GLIS1: variants seen among roughly 807,000 people sequenced by gnomAD.
The protein encoded by GLIS1 is zinc finger protein GLIS1.
In GLIS1, 24 loss-of-function variants were observed where a neutral mutation model predicts 63.8. That is an observed-to-expected ratio of 0.38 (90% CI 0.27 to 0.53). GLIS1 has a LOEUF of 0.53. Among genes scored for constraint, GLIS1 ranks in the 20% least tolerant of loss-of-function variants. GLIS1 has a pLI of 0.85. For synonymous variants in GLIS1, 450 were observed against 482.5 expected (o/e 0.93, Z 0.88); for missense variants, 1,036 against 1,074.1 (o/e 0.96, Z 0.50).
rs1377621349 is a variant in GLIS1, at chr1:53,594,767, T to C, written c.661A>G (p.Ser221Gly). 2 of 1,598,016 alleles carry C rather than the reference T, an allele frequency of 1.3e-6. No individual in the cohort carries two copies. Among genetic ancestry groups the C allele is most frequent in the Non-Finnish European group, 1.7e-6 (2 of 1,172,662 alleles). Reference protein sequence around the residue: ...PSCYLLGSEPSSGLGLQPETH... With the variant: ...PSCYLLGSEPGSGLGLQPETH... ...TCGGGCTGGAGGCCCAGGCCAGAGC[T>C]GGGTTCGCTGCCCAGAAGGTAGCAG... The change falls in exon 4 of 11, where the codon AGC (serine) becomes GGC (glycine). Residue 221 changes from serine to glycine, a missense_variant. Physicochemically the swap from Ser to Gly is moderately conservative, Grantham distance 56. Transcript: ENST00000628545.
chr1:53,717,559 A>G (rs1456125387), intron 2 of GLIS1, among the ~76,000 whole-genome samples: 1 of 151,838 alleles, frequency 6.6e-6, no homozygotes, highest in African/African-American at 2.4e-5. Context: ...ATAAGGCAAA[A>G]CCCCCACTTC....
In GLIS1 at chr1:53,594,943, G is replaced by A. The variant is rs1247945986; in HGVS notation, c.485C>T (p.Thr162Ile). 1.4e-6 allele frequency: 2 copies of A among 1,478,240 alleles called. No homozygotes were observed. The highest frequency in any genetic ancestry group is 2.8e-5 in the South Asian group (2 of 72,002). The allele number at this position is 1,478,240 out of a possible 1,614,324, so 91.6% of individuals were successfully genotyped here. A position where few individuals can be genotyped will look rare whatever the true frequency, so the allele number is the denominator to read the frequency against. ...CAAGGACTCCTGTTTGATGTGTTGT[G>A]TGGTTGGGAGGCTGCCGTTCACATA... is the stretch of plus-strand genomic sequence containing the variant. ...ATYVNGSLPT[T>I]QHIKQESLPD... is the part of the protein sequence containing the mutation. The change falls in exon 4 of 11, where the codon ACA (threonine) becomes ATA (isoleucine). Residue 162 changes from threonine to isoleucine, a missense_variant. This residue lies in a region of GLIS1 where 592 missense variants were observed against 593.9 expected (regional missense o/e 1.00). Transcript: ENST00000628545.
At chr1:53,587,481 C>G (rs2100512297) in intron 4 of GLIS1, among the ~76,000 whole-genome samples, 1 of 152,278 alleles carries the variant, frequency 6.6e-6, no homozygotes, top group South Asian at 2.1e-4. Context: ...CCTCTCTGGC[C>G]TCATTTACAG....
chr1:53,622,344 T>C (rs1645552618), intron 2 of GLIS1, among the ~76,000 whole-genome samples: 1 of 149,408 alleles, frequency 6.7e-6, no homozygotes, highest in Non-Finnish European at 1.5e-5. Flanking sequence ...AGGAGAATCA[T>C]TTGAACCTGG....
At chr1:53,628,484 T>G (rs1289211277) in intron 2 of GLIS1, among the ~76,000 whole-genome samples, 1 of 152,164 alleles carries the variant, frequency 6.6e-6, no homozygotes, top group Non-Finnish European at 1.5e-5. Flanking sequence ...GGGACAGAAC[T>G]GTGCACCAGA....
intron 10 of GLIS1, among the ~76,000 whole-genome samples, chr1:53,508,052 C>T (rs1372301042): frequency 6.6e-6 from 1 of 152,222 alleles, no homozygotes; most frequent in African/African-American, 2.4e-5. Flanking sequence ...CACAGGTGCA[C>T]ACGTGCACAC....
At chr1:53,508,945 G>A (rs1644265920) in intron 10 of GLIS1, among the ~76,000 whole-genome samples, 175 bp downstream of exon 10, 1 of 152,254 alleles carries the variant, frequency 6.6e-6, no homozygotes, top group Admixed American at 6.5e-5. Flanking sequence ...GGCAGGTACA[G>A]ACAGTTCTGC....
chr1:53,566,407 G>A (rs1291016254), intron 4 of GLIS1, among the ~76,000 whole-genome samples: 1 of 152,302 alleles, frequency 6.6e-6, no homozygotes, highest in East Asian at 1.9e-4. Context: ...TACAAGGTTA[G>A]TATATAAAAA....
At chr1:53,589,748 A>C (rs72904952) in intron 4 of GLIS1, among the ~76,000 whole-genome samples, 4,299 of 152,236 alleles carry the variant, frequency 0.028, 220 homozygotes, top group African/African-American at 0.1. Flanking sequence ...GCAGCTCATG[A>C]GGACTGGGAG....
chr1:53,709,953 G>A lies in GLIS1; in HGVS notation c.259+27853C>T, dbSNP rs186737663. Among the ~76,000 whole-genome samples the A allele has an allele frequency of 4.6e-5, 7 of 152,312 alleles. No homozygotes were observed. The East Asian group carries it at 1.3e-3, about 29-fold the overall frequency. On this transcript the variant is annotated intron_variant, in intron 2 of 10. Transcript: ENST00000628545. ...ACATGGGAGTCCCCACAGATGTACA[G>A]GATGGGAGGGGGACACTTGTACAGA...
At chr1:53,552,156 G>C (rs1644766700) in intron 4 of GLIS1, among the ~76,000 whole-genome samples, 1 of 152,020 alleles carries the variant, frequency 6.6e-6, no homozygotes, top group Non-Finnish European at 1.5e-5. Flanking sequence ...CACACTGACT[G>C]TCACAGAAGC....
chr1:53,734,777 G>A (rs993515387), intron 2 of GLIS1, among the ~76,000 whole-genome samples: 2 of 152,202 alleles, frequency 1.3e-5, no homozygotes, highest in Non-Finnish European at 2.9e-5. Flanking sequence ...AAAGCTGTCC[G>A]CCTGCATAAA....
chr1:53,645,608 A>G (rs947913772), intron 2 of GLIS1, among the ~76,000 whole-genome samples: 19 of 152,246 alleles, frequency 1.2e-4, no homozygotes, highest in Non-Finnish European at 2.8e-4. Flanking sequence ...AAGACCCCCT[A>G]TGAACCACAA....
At chr1:53,553,652 G>A (rs1318354698) in intron 4 of GLIS1, among the ~76,000 whole-genome samples, 2 of 152,176 alleles carry the variant, frequency 1.3e-5, no homozygotes, top group African/African-American at 4.8e-5. Flanking sequence ...CTGGTGGGGA[G>A]GGGCCTTTGC....
At chr1:53,522,275 T>TA (rs1480362986) in intron 6 of GLIS1, among the ~76,000 whole-genome samples, 6 of 152,268 alleles carry the variant, frequency 3.9e-5, no homozygotes, top group African/African-American at 1.4e-4. Context: ...CCCAGAAAGA[T>TA]ACATCATCCC....
intron 2 of GLIS1, among the ~76,000 whole-genome samples, chr1:53,708,661 C>T (rs992700968): frequency 6.6e-6 from 1 of 152,080 alleles, no homozygotes; most frequent in African/African-American, 2.4e-5. Flanking sequence ...GGCACGCTGG[C>T]ACAGGTTTCA....
At chr1:53,658,643 CT>C (rs1258493674) in intron 2 of GLIS1, among the ~76,000 whole-genome samples, 1 of 152,122 alleles carries the variant, frequency 6.6e-6, no homozygotes, top group Non-Finnish European at 1.5e-5. Context: ...CCAGTAGCAC[CT>C]CAGGTGGGTC....
At chr1:53,599,779 G>T (rs562590620) in intron 3 of GLIS1, among the ~76,000 whole-genome samples, 10 of 152,318 alleles carry the variant, frequency 6.6e-5, no homozygotes, top group African/African-American at 2.2e-4. Flanking sequence ...GCAGTTCAGG[G>T]TTTGACACTG....
chr1:53,686,318 C>T (rs1230868319), intron 2 of GLIS1, among the ~76,000 whole-genome samples: 1 of 152,222 alleles, frequency 6.6e-6, no homozygotes, highest in Non-Finnish European at 1.5e-5. Context: ...TTCAGCTCCA[C>T]ACGGCACAAT....
Sources: gnomAD v4.1 joint callset for allele counts (sites outside exome capture counted in the v4.1 genomes callset) on GRCh38, gnomAD v4.1.1 for gene constraint, gnomAD v4.1.1 regional missense constraint, MANE v1.5 for transcripts, NCBI Gene and HGNC (gene_info 2026-07-23, HGNC 2026-07-21) for gene names.